MYO1E: variants seen among roughly 807,000 people sequenced by gnomAD.
The protein encoded by MYO1E is myosin IE.
MYO1E carries 68 observed loss-of-function variants against 151.1 expected under a neutral mutation model. The observed-to-expected ratio is 0.45, with a 90% CI of 0.37 to 0.55. The LOEUF (loss-of-function observed/expected upper bound fraction) is 0.55, where lower values mean the gene tolerates loss of function less well. MYO1E is among the 20% of genes least tolerant of loss of function. MYO1E has a pLI of 0.00. For synonymous variants in MYO1E, 601 were observed against 501.7 expected (o/e 1.20, Z -2.64); for missense variants, 1,363 against 1,389.3 (o/e 0.98, Z 0.30).
chr15:59,226,166 A>G (rs1438865264), intron 7 of MYO1E, among the ~76,000 whole-genome samples: 1 of 152,214 alleles, frequency 6.6e-6, no homozygotes, highest in Non-Finnish European at 1.5e-5. Flanking sequence ...ATGTTGCTTT[A>G]ATACAATTTT....
At chr15:59,319,260 G>C (rs2080609369) in intron 1 of MYO1E, among the ~76,000 whole-genome samples, 1 of 152,146 alleles carries the variant, frequency 6.6e-6, no homozygotes, top group African/African-American at 2.4e-5. Context: ...GCAGTGAGCT[G>C]AGATCGTGCC....
intron 5 of MYO1E, among the ~76,000 whole-genome samples, chr15:59,236,300 G>A (rs1404982466): frequency 4.7e-5 from 7 of 148,038 alleles, no homozygotes; most frequent in Admixed American, 1.4e-4. Context: ...CCGAGATCGC[G>A]CCACTGCACT....
At chr15:59,276,476 A>G (rs2080319824) in intron 1 of MYO1E, among the ~76,000 whole-genome samples, 1 of 152,204 alleles carries the variant, frequency 6.6e-6, no homozygotes, top group Non-Finnish European at 1.5e-5. Context: ...AATAATGAAA[A>G]GTTACTCTTA....
chr15:59,322,566 C>T (rs867467094), intron 1 of MYO1E, among the ~76,000 whole-genome samples: 1 of 152,166 alleles, frequency 6.6e-6, no homozygotes, highest in Non-Finnish European at 1.5e-5. Context: ...AAAGTGCTTA[C>T]CTAGCATGTG....
Position 59,132,772 on chromosome 15 carries a change from TAAGTA to T in MYO1E, c.*4603_*4607del, listed in dbSNP as rs374680770. 1 of 152,216 alleles carries T rather than the reference TAAGTA, an allele frequency of 6.6e-6. No homozygotes were observed. The highest frequency in any genetic ancestry group is 1.5e-5 in the Non-Finnish European group (1 of 68,046). The allele number at this position is 152,216 out of a possible 1,614,324, so 9.4% of individuals were successfully genotyped here. On this transcript the variant is annotated 3_prime_UTR_variant, in exon 28 of 28. Transcript: ENST00000288235. Reference sequence around the variant, plus strand: ...GAGTGTCTCCCTCATAGGGTGGTGCTAAGTAAAGTATGCCAAGCACTTAGTATAGC... The same window carrying T: ...GAGTGTCTCCCTCATAGGGTGGTGCTAAGTATGCCAAGCACTTAGTATAGC...
chr15:59,206,974 C>G, intron 14 of MYO1E: 1 of 1,614,104 alleles, frequency 6.2e-7, no homozygotes, highest in Non-Finnish European at 8.5e-7. Context: ...GCGGGCCAGC[C>G]AGAGAGTGAG....
chr15:59,190,760 C>T (rs973688266), intron 17 of MYO1E, among the ~76,000 whole-genome samples: 11 of 152,312 alleles, frequency 7.2e-5, no homozygotes, highest in Middle Eastern at 3.4e-3. Flanking sequence ...GTTCGTAGCA[C>T]GAGCATGTAA....
At chr15:59,337,026 T>TA (rs10562967) in intron 1 of MYO1E, among the ~76,000 whole-genome samples, 9,095 of 150,822 alleles carry the variant, frequency 0.06, 870 homozygotes, top group African/African-American at 0.2. Flanking sequence ...CTCCTAGTTT[T>TA]AAAAAAAAAA....
Position 59,206,956 on chromosome 15 carries a change from C to A in MYO1E, c.1531-1471G>T, listed in dbSNP as rs200239796. The A allele has an allele frequency of 7.7e-4, 1,243 of 1,613,492 alleles. 15 individuals are homozygous for A. The South Asian group carries it at 0.013, about 17-fold the overall frequency. On this transcript the variant is annotated intron_variant, in intron 14 of 27. Transcript: ENST00000288235. ...GTGAGCAGCCATGAGTTGGACTGTG[C>A]CTGTTGTGCGGGCCAGCCAGAGAGT...
intron 10 of MYO1E, among the ~76,000 whole-genome samples, chr15:59,216,723 C>T (rs112090825): frequency 0.04 from 4,675 of 116,052 alleles, 570 homozygotes; most frequent in African/African-American, 0.16. Context: ...CACACACACA[C>T]ATAATTATGC....
chr15:59,185,691 C>T (rs1258253240), intron 18 of MYO1E, among the ~76,000 whole-genome samples: 3 of 152,126 alleles, frequency 2.0e-5, no homozygotes, highest in Non-Finnish European at 2.9e-5. Context: ...GCCTGGGCAA[C>T]CAAGGGAGAC....
At chr15:59,231,243 G>A (rs1356207433) in intron 6 of MYO1E, among the ~76,000 whole-genome samples, 2 of 152,186 alleles carry the variant, frequency 1.3e-5, no homozygotes, top group African/African-American at 4.8e-5. Flanking sequence ...ATGGAGAGGA[G>A]GAAGTTTCTC....
At chr15:59,320,727 G>A (rs1425448584) in intron 1 of MYO1E, among the ~76,000 whole-genome samples, 1 of 151,946 alleles carries the variant, frequency 6.6e-6, no homozygotes, top group African/African-American at 2.4e-5. Flanking sequence ...CAAACTATAA[G>A]AATAATAGAA....
At chr15:59,193,951 T>G (rs1244561421) in intron 17 of MYO1E, among the ~76,000 whole-genome samples, 4 of 152,108 alleles carry the variant, frequency 2.6e-5, no homozygotes, top group African/African-American at 9.7e-5. Context: ...CCGAGGCAGT[T>G]GGATCACGAA....
At chr15:59,335,749 C>T (rs1405216786) in intron 1 of MYO1E, among the ~76,000 whole-genome samples, 3 of 152,132 alleles carry the variant, frequency 2.0e-5, no homozygotes, top group African/African-American at 7.2e-5. Context: ...TAACTTAGTC[C>T]GGCATTTTGA....
chr15:59,361,869 C>T (rs1355570869), intron 1 of MYO1E, among the ~76,000 whole-genome samples: 1 of 151,918 alleles, frequency 6.6e-6, no homozygotes, highest in Admixed American at 6.6e-5. Context: ...TGGAGTCTGG[C>T]TGTATCGCCC....
intron 5 of MYO1E, among the ~76,000 whole-genome samples, chr15:59,232,928 G>C: frequency 6.6e-6 from 1 of 152,022 alleles, no homozygotes; most frequent in Non-Finnish European, 1.5e-5. Flanking sequence ...TCATTGTGAC[G>C]AGGGAATCAT....
chr15:59,195,300 G>C (rs1435825238), intron 17 of MYO1E, among the ~76,000 whole-genome samples, 161 bp downstream of exon 17: 1 of 152,194 alleles, frequency 6.6e-6, no homozygotes, highest in Non-Finnish European at 1.5e-5. Context: ...GACACGGAGG[G>C]GAAACAGTAT....
At chr15:59,231,602 T>C in intron 6 of MYO1E, 100 bp downstream of exon 6, 1 of 1,242,318 alleles carries the variant, frequency 8.0e-7, no homozygotes, top group Non-Finnish European at 1.2e-6. Context: ...CTCCTGATGA[T>C]ATGTGAAAGG....
Sources: gnomAD v4.1 joint callset for allele counts (sites outside exome capture counted in the v4.1 genomes callset) on GRCh38, gnomAD v4.1.1 for gene constraint, MANE v1.5 for transcripts, NCBI Gene and HGNC (gene_info 2026-07-23, HGNC 2026-07-21) for gene names.